MVD: variants seen among roughly 807,000 people sequenced by gnomAD.
MVD encodes diphosphomevalonate decarboxylase.
In MVD, 52 loss-of-function variants were observed where a neutral mutation model predicts 42.4. The observed-to-expected ratio is 1.23, with a 90% CI of 0.98 to 1.55. The LOEUF is 1.55. Ranked by LOEUF, MVD falls within the 40% of genes most tolerant of loss-of-function variation. The pLI is 0.00. For missense variants in MVD, 663 were observed against 572.1 expected (o/e 1.16, Z -1.62); for synonymous variants, 287 against 243.2 (o/e 1.18, Z -1.68).
chr16:88,659,535 G>T (rs753839070), intron 1 of MVD, among the ~76,000 whole-genome samples: 3 of 152,228 alleles, frequency 2.0e-5, no homozygotes, highest in African/African-American at 7.2e-5. Context: ...GGTGACAGAG[G>T]GCGGCTGTGG....
At chr16:88,654,228 C>T (rs867405362) in intron 8 of MVD, among the ~76,000 whole-genome samples, 1 of 152,134 alleles carries the variant, frequency 6.6e-6, no homozygotes, top group Admixed American at 6.5e-5. Flanking sequence ...CCGGACCCCA[C>T]CCAAGAAAAG....
At chr16:88,654,845 T>C in intron 7 of MVD, 38 bp from the exon 8 acceptor site, 1 of 1,527,982 alleles carries the variant, frequency 6.5e-7, no homozygotes, top group Non-Finnish European at 8.8e-7. Flanking sequence ...ATTCACGTGG[T>C]GCCTGACCCT....
chr16:88,654,503 TC>T (rs1907780179), intron 8 of MVD, among the ~76,000 whole-genome samples, 188 bp downstream of exon 8: 1 of 152,142 alleles, frequency 6.6e-6, no homozygotes, highest in African/African-American at 2.4e-5. Flanking sequence ...CTCTCTTTCT[TC>T]CCTGTGGACG....
At chr16:88,657,667 G>A in intron 3 of MVD, 85 bp from the exon 4 acceptor site, 1 of 1,549,628 alleles carries the variant, frequency 6.5e-7, no homozygotes, top group African/African-American at 1.4e-5. Context: ...GGTCACAGCT[G>A]AACACCAGGC....
chr16:88,654,850 G>C (rs979681611), intron 7 of MVD, 43 bp from the exon 8 acceptor site: 1 of 1,517,588 alleles, frequency 6.6e-7, no homozygotes, highest in African/African-American at 1.4e-5. Flanking sequence ...CGTGGTGCCT[G>C]ACCCTTGTCT....
intron 9 of MVD, 90 bp downstream of exon 9, chr16:88,653,210 C>A (rs1458902653): frequency 3.0e-6 from 3 of 991,568 alleles, no homozygotes; most frequent in Non-Finnish European, 4.5e-6. Flanking sequence ...GACAGGGAGC[C>A]GCGCTTAGCC....
chr16:88,658,294 C>T (rs1460005806), intron 2 of MVD, among the ~76,000 whole-genome samples: 4 of 152,220 alleles, frequency 2.6e-5, no homozygotes, highest in South Asian at 4.1e-4. Flanking sequence ...GCACGGTGTG[C>T]GCATGTGTGA....
chr16:88,652,323 A>G lies in MVD; in HGVS notation c.*202T>C. On this transcript the variant is annotated 3_prime_UTR_variant, in exon 10 of 10. Transcript: ENST00000301012. ...GCAAAGCGCTGGTGCAGCTTAGGGC[A>G]GCTGAAGCACTCGGCGGGGACCTCT... 1.6e-6 allele frequency: 1 copy of G among 635,826 alleles called. No individual in the cohort carries two copies. The allele number at this position is 635,826 out of a possible 1,614,324, so 39.4% of individuals were successfully genotyped here.
At chr16:88,655,872 C>T (rs1907889700) in intron 5 of MVD, 142 bp from the exon 6 acceptor site, 1 of 1,167,188 alleles carries the variant, frequency 8.6e-7, no homozygotes. Context: ...ACAGAGGCCT[C>T]CCGGCCACAG....
chr16:88,663,044 T>C lies in MVD; in HGVS notation c.37A>G (p.Thr13Ala). ...ATGACCGCGATGTTGACCGGCGCTGTACAAGTGACTGCCGCCAGCGGCTTC... is the reference window on the plus strand; with the variant it reads ...ATGACCGCGATGTTGACCGGCGCTGCACAAGTGACTGCCGCCAGCGGCTTC... ...SEKPLAAVTC[T>A]APVNIAVIKY... Residue 13 changes from threonine to alanine, a missense_variant, in exon 1 of 10, where the codon ACA becomes GCA. Thr to Ala is a moderately conservative substitution (Grantham distance 58, BLOSUM62 0). Transcript: ENST00000301012. The C allele has an allele frequency of 6.2e-7, 1 of 1,610,404 alleles. No individual in the cohort carries two copies. Among genetic ancestry groups the C allele is most frequent in the Non-Finnish European group, 8.5e-7 (1 of 1,178,896 alleles).
At chr16:88,661,313 C>T (rs1908274832) in intron 1 of MVD, among the ~76,000 whole-genome samples, 1 of 152,066 alleles carries the variant, frequency 6.6e-6, no homozygotes, top group South Asian at 2.1e-4. Context: ...GTTAAGAGGA[C>T]AAAAAGATTA....
intron 7 of MVD, 61 bp from the exon 8 acceptor site, chr16:88,654,868 C>G (rs956870853): frequency 1.4e-6 from 2 of 1,472,744 alleles, no homozygotes; most frequent in Non-Finnish European, 1.8e-6. Context: ...TCTCCCCAAC[C>G]CTCTGGTCTG....
At position 88,656,158 on chromosome 16, in the gene MVD, G is replaced by A. The variant is rs148668035; in HGVS notation, c.550C>T (p.Arg184Trp). The A allele has an allele frequency of 9.8e-5, 157 of 1,602,142 alleles. 1 individual carries two copies. The Admixed American group carries it at 1.4e-3, about 14-fold the overall frequency. The change falls in exon 5 of 10, where the codon CGG (arginine) becomes TGG (tryptophan). Residue 184 changes from arginine (R) to tryptophan (W), a missense_variant. Coordinates refer to ENST00000301012, the MANE Select transcript of MVD (RefSeq NM_002461.3). Reference sequence around the variant, plus strand: ...CAGTGTGACTCGGGGGCCACTTGCCGAGCGATGCTGTCCTTCCCGTCGGCC... The same window carrying A: ...CAGTGTGACTCGGGGGCCACTTGCCAAGCGATGCTGTCCTTCCCGTCGGCC... ...EQADGKDSIA[R>W]QVAPESHWPE...
chr16:88,661,917 T>A (rs1908320750), intron 1 of MVD, among the ~76,000 whole-genome samples: 1 of 122,756 alleles, frequency 8.1e-6, no homozygotes, highest in Admixed American at 8.9e-5. Context: ...TGTATACATA[T>A]ACACACACAT....
chr16:88,654,803 G>C lies in MVD; in HGVS notation c.902C>G (p.Ala301Gly). 1.9e-6 allele frequency: 3 copies of C among 1,570,976 alleles called. No individual in the cohort carries two copies. Among genetic ancestry groups the C allele is most frequent in the Non-Finnish European group, 2.6e-6 (3 of 1,160,354 alleles). ...ATTGGGGCCCGCGTCAAAGGTGTAC[G>C]CCACCTGGAACCCACAGCAGTCACC... ...FNAHHGDTKV[A>G]YTFDAGPNAV... Residue 301 changes from alanine (A) to glycine (G), a missense_variant, in exon 8 of 10, where the codon GCG becomes GGG. Coordinates refer to ENST00000301012, the MANE Select transcript of MVD (RefSeq NM_002461.3).
chr16:88,657,368 C>A, intron 4 of MVD, 68 bp downstream of exon 4: 1 of 1,529,416 alleles, frequency 6.5e-7, no homozygotes, highest in Non-Finnish European at 8.8e-7. Flanking sequence ...CTCCCTGACC[C>A]GGGAAGAGCA....
chr16:88,662,739 T>G lies in MVD; in HGVS notation c.70+272A>C, dbSNP rs1309088789. ...TTCATGGGAATCGATGATTGATGAT[T>G]TCGATAGTTCGGTAATCGCTAATGG... On this transcript the variant is annotated intron_variant, in intron 1 of 9. Transcript: ENST00000301012. The G allele has an allele frequency of 2.7e-6, 4 of 1,465,084 alleles. No individual in the cohort carries two copies. In the South Asian group the frequency reaches 5.1e-5, roughly 19 times the overall value. 90.8% of individuals were successfully genotyped at this position (1,465,084 alleles called of 1,614,324 possible).
rs762459552 is a variant in MVD at position 88,655,449 on chromosome 16, G to A, written c.679-32C>T. On this transcript the variant is annotated intron_variant, in intron 6 of 9. Coordinates refer to ENST00000301012, the MANE Select transcript of MVD (RefSeq NM_002461.3). Reference sequence around the variant, plus strand: ...GGCACAGGGTGTTTCCCATGGAGCCGCTGGGGGTCTCGACAGCAGAGGGTT... The same window carrying A: ...GGCACAGGGTGTTTCCCATGGAGCCACTGGGGGTCTCGACAGCAGAGGGTT... 20 of 1,544,128 alleles carry A rather than the reference G, an allele frequency of 1.3e-5. 1 individual carries two copies. The highest frequency in any genetic ancestry group is 1.1e-4 in the South Asian group (9 of 84,642).
chr16:88,658,835 C>G, intron 1 of MVD, 115 bp from the exon 2 acceptor site: 1 of 781,598 alleles, frequency 1.3e-6, no homozygotes, highest in East Asian at 3.1e-5. Flanking sequence ...AGTCCCGTCT[C>G]TCACCGCACA....
Sources: allele counts gnomAD v4.1 joint callset (sites outside exome capture counted in the v4.1 genomes callset), GRCh38; gene constraint gnomAD v4.1.1; transcripts MANE v1.5; gene names NCBI Gene and HGNC (gene_info 2026-07-23, HGNC 2026-07-21).